FHIT: variants seen among roughly 807,000 people sequenced by gnomAD.
The protein encoded by FHIT is bis(5'-adenosyl)-triphosphatase.
In FHIT, 19 loss-of-function variants were observed where a neutral mutation model predicts 17.9. That is an observed-to-expected ratio of 1.06 (90% CI 0.74 to 1.56). The LOEUF (loss-of-function observed/expected upper bound fraction) is 1.56, where lower values mean the gene tolerates loss of function less well. FHIT is among the 40% of genes most tolerant of loss of function. The pLI is 0.00. For missense variants in FHIT, 248 were observed against 189.2 expected (o/e 1.31, Z -1.82); for synonymous variants, 81 against 69.7 (o/e 1.16, Z -0.81).
At chr3:59,924,124 G>T (rs1200001662) in intron 7 of FHIT, among the ~76,000 whole-genome samples, 2 of 152,108 alleles carry the variant, frequency 1.3e-5, no homozygotes, top group East Asian at 1.9e-4. Flanking sequence ...GGTGGGCCTG[G>T]GCTGAAATCT....
intron 2 of FHIT, among the ~76,000 whole-genome samples, chr3:61,133,603 T>C (rs917764449): frequency 7.9e-5 from 12 of 152,154 alleles, no homozygotes; most frequent in Admixed American, 2.0e-4. Context: ...GAATCATCTA[T>C]GTAGTGGAAG....
chr3:61,204,650 C>G (rs1560070195), intron 1 of FHIT, among the ~76,000 whole-genome samples: 1 of 151,926 alleles, frequency 6.6e-6, no homozygotes, highest in Non-Finnish European at 1.5e-5. Context: ...GTTTTAAAAT[C>G]TTGCTATGTG....
chr3:60,900,966 C>T (rs961031593), intron 3 of FHIT, among the ~76,000 whole-genome samples: 4 of 151,936 alleles, frequency 2.6e-5, no homozygotes, highest in Non-Finnish European at 4.4e-5. Flanking sequence ...TTAGTAGAGA[C>T]GAAGTTTCAC....
chr3:60,953,321 C>T (rs1302762353), intron 3 of FHIT, among the ~76,000 whole-genome samples: 1 of 152,182 alleles, frequency 6.6e-6, no homozygotes, highest in African/African-American at 2.4e-5. Flanking sequence ...GATTTCCTTT[C>T]ATCTTTGCTA....
At chr3:60,293,439 T>G (rs1708074523) in intron 5 of FHIT, among the ~76,000 whole-genome samples, 2 of 152,184 alleles carry the variant, frequency 1.3e-5, no homozygotes. Flanking sequence ...TCAAAGTCAC[T>G]AATTTCCATG....
intron 8 of FHIT, among the ~76,000 whole-genome samples, chr3:59,854,667 G>A (rs1702079290): frequency 6.6e-6 from 1 of 152,088 alleles, no homozygotes; most frequent in Non-Finnish European, 1.5e-5. Flanking sequence ...TGAGGTCTGG[G>A]GAATAGAATT....
chr3:61,208,988 AG>A (rs1294957567), intron 1 of FHIT, among the ~76,000 whole-genome samples: 1 of 151,944 alleles, frequency 6.6e-6, no homozygotes, highest in African/African-American at 2.4e-5. Context: ...TGCTTCCTTC[AG>A]GGGCTCTTTT....
intron 5 of FHIT, among the ~76,000 whole-genome samples, chr3:60,394,896 T>A (rs1199667795): frequency 6.6e-6 from 1 of 152,050 alleles, no homozygotes; most frequent in East Asian, 1.9e-4. Flanking sequence ...AGTAAATACA[T>A]GACAAAGAAG....
At chr3:61,126,864 A>G (rs1403115651) in intron 2 of FHIT, among the ~76,000 whole-genome samples, 1 of 152,076 alleles carries the variant, frequency 6.6e-6, no homozygotes, top group African/African-American at 2.4e-5. Context: ...ATGAGAGAGC[A>G]AGCCCTACTG....
intron 7 of FHIT, among the ~76,000 whole-genome samples, chr3:59,932,952 G>C (rs1322001154): frequency 6.6e-6 from 1 of 152,068 alleles, no homozygotes; most frequent in Non-Finnish European, 1.5e-5. Flanking sequence ...AATTACTGTA[G>C]ATATTTTGCA....
chr3:60,400,463 T>C lies in FHIT; in HGVS notation c.103+136397A>G, dbSNP rs527767471. ...TCCTATAATTACCCTCTTATCTCTA[T>C]ACCTCCAGGAAAAGAATGTTCTAAC... On this transcript the variant is annotated intron_variant, in intron 5 of 9. Transcript: ENST00000492590. Among the ~76,000 whole-genome samples, 9 of 152,272 alleles carry C rather than the reference T, an allele frequency of 5.9e-5. No homozygotes were observed. In the South Asian group the frequency reaches 1.4e-3, roughly 25 times the overall value.
At chr3:60,602,058 A>G (rs1485458323) in intron 4 of FHIT, among the ~76,000 whole-genome samples, 5 of 113,814 alleles carry the variant, frequency 4.4e-5, no homozygotes, top group African/African-American at 1.4e-4. Flanking sequence ...GAAGACAGAT[A>G]GAGTAAGCCA....
chr3:61,180,096 T>C (rs1020439270), intron 2 of FHIT, among the ~76,000 whole-genome samples: 2 of 152,216 alleles, frequency 1.3e-5, no homozygotes, highest in African/African-American at 2.4e-5. Flanking sequence ...TTACAAACTA[T>C]TGAGCTACTG....
At chr3:60,305,765 G>C (rs213379) in intron 5 of FHIT, among the ~76,000 whole-genome samples, 6 of 152,050 alleles carry the variant, frequency 3.9e-5, no homozygotes, top group Non-Finnish European at 8.8e-5. Flanking sequence ...ATTTGTTTTG[G>C]AGGTGTCTGC....
At chr3:61,008,394 GCTGCCCTT>G (rs1441155609) in intron 3 of FHIT, among the ~76,000 whole-genome samples, 1 of 152,146 alleles carries the variant, frequency 6.6e-6, no homozygotes, top group Non-Finnish European at 1.5e-5. Context: ...GTTGGCAAGG[GCTGCCCTT>G]CTTGGCAGGT....
chr3:60,585,417 C>G (rs1296122331), intron 4 of FHIT, among the ~76,000 whole-genome samples: 2 of 151,996 alleles, frequency 1.3e-5, no homozygotes, highest in African/African-American at 4.8e-5. Context: ...GGTAGTCACC[C>G]TTAAGTTATT....
intron 5 of FHIT, among the ~76,000 whole-genome samples, chr3:60,026,790 T>A (rs79011712): frequency 6.6e-6 from 1 of 152,258 alleles, no homozygotes; most frequent in East Asian, 1.9e-4. Context: ...ACTATATGGT[T>A]TACCTAATGT....
intron 5 of FHIT, among the ~76,000 whole-genome samples, chr3:60,036,069 C>T (rs1701204817): frequency 1.3e-5 from 2 of 152,214 alleles, no homozygotes; most frequent in South Asian, 4.1e-4. Flanking sequence ...CAGGGTCTTA[C>T]ACCAGAAGTT....
chr3:61,164,009 T>C (rs113354461), intron 2 of FHIT, among the ~76,000 whole-genome samples: 1 of 152,168 alleles, frequency 6.6e-6, no homozygotes, highest in Non-Finnish European at 1.5e-5. Context: ...AATTGGGCTA[T>C]GAATATTCCT....
Sources: allele counts gnomAD v4.1 joint callset (sites outside exome capture counted in the v4.1 genomes callset), GRCh38; gene constraint gnomAD v4.1.1; transcripts MANE v1.5; gene names NCBI Gene and HGNC (gene_info 2026-07-23, HGNC 2026-07-21).